SLC9A6: variants seen among roughly 807,000 people sequenced by gnomAD.
SLC9A6 encodes sodium/hydrogen exchanger 6.
SLC9A6 carries 6 observed loss-of-function variants against 45.3 expected under a neutral mutation model. The observed-to-expected ratio is 0.13, with a 90% CI of 0.07 to 0.26. SLC9A6 has a LOEUF of 0.26. SLC9A6 is among the 10% of genes least tolerant of loss of function. The pLI, the probability that SLC9A6 is intolerant of heterozygous loss-of-function variation, is 1.00. For synonymous variants in SLC9A6, 191 were observed against 187.7 expected, an observed-to-expected ratio of 1.02 and a Z score of -0.14; for missense variants, 278 against 503.7, an observed-to-expected ratio of 0.55 and a Z score of 4.29.
chrX:136,020,782 C>T (rs2071111927), intron 11 of SLC9A6, among the ~76,000 whole-genome samples: 1 of 111,640 alleles, frequency 9.0e-6, no homozygotes, highest in Admixed American at 9.5e-5. Flanking sequence ...CCATTGAGAG[C>T]TCTTTTGGCA....
chrX:135,976,271 C>T (rs1398091743), intron 1 of SLC9A6, among the ~76,000 whole-genome samples: 4 of 111,560 alleles, frequency 3.6e-5, no homozygotes, highest in Non-Finnish European at 7.5e-5. Context: ...GCTTCCTTCT[C>T]CGCCCCTGGG....
chrX:136,013,181 G>A (rs1483127739), intron 9 of SLC9A6, 127 bp downstream of exon 9: 2 of 695,633 alleles, frequency 2.9e-6, no homozygotes, highest in Non-Finnish European at 4.6e-6. Flanking sequence ...TTAGGTTGTT[G>A]CTTTAGAACA....
At position 136,010,266 on chromosome X, in the gene SLC9A6, C is replaced by T. The variant is rs1461568261; in HGVS notation, c.744-176C>T. On this transcript the variant is annotated intron_variant, in intron 7 of 17. Transcript: ENST00000630721. ...AACATTTAAGGGAAAGCCAAGTTTT[C>T]TTGCTAGCCAGATACATTGCAGGAT... 8 of 268,336 alleles carry T rather than the reference C, an allele frequency of 3.0e-5. 1 individual carries two copies. The highest frequency in any genetic ancestry group is 4.6e-5 in the Non-Finnish European group (7 of 152,102). 22.1% of individuals were successfully genotyped at this position (268,336 alleles called of 1,213,427 possible). A position where few individuals can be genotyped will look rare whatever the true frequency, so the allele number is the denominator to read the frequency against.
chrX:135,985,466 G>A lies in SLC9A6; in HGVS notation c.-68G>A. ...TCGGGGAGTGGTCCGACCGCGGGCG[G>A]CCGCCGGTGAGGTAGGGGCGGGAGG... On this transcript the variant is annotated 5_prime_UTR_variant, in exon 1 of 18. Coordinates refer to ENST00000630721, the MANE Select transcript of SLC9A6 (RefSeq NM_001379110.1). 9.9e-7 allele frequency: 1 copy of A among 1,010,008 alleles called. No homozygotes were observed. Among genetic ancestry groups the A allele is most frequent in the Non-Finnish European group, 1.3e-6 (1 of 789,430 alleles). 83.2% of individuals were successfully genotyped at this position (1,010,008 alleles called of 1,213,427 possible).
intron 16 of SLC9A6, 35 bp from the exon 17 acceptor site, chrX:136,040,041 A>G (rs1556622329): frequency 9.1e-7 from 1 of 1,099,270 alleles, no homozygotes; most frequent in Non-Finnish European, 1.3e-6. Flanking sequence ...TAAATTTGTA[A>G]AGAAAGGACC....
chrX:135,975,043 GGA>G, intron 1 of SLC9A6: 1 of 148,723 alleles, frequency 6.7e-6, no homozygotes, highest in Non-Finnish European at 1.3e-5. Flanking sequence ...TGTCCCCTGG[GGA>G]GCTCACCCAT....
At chrX:136,004,518 A>G (rs1346101139) in intron 7 of SLC9A6, among the ~76,000 whole-genome samples, 1 of 111,698 alleles carries the variant, frequency 9.0e-6, no homozygotes, top group African/African-American at 3.3e-5. Flanking sequence ...TTCTCTCCTT[A>G]ATTTTCACTT....
Position 136,046,999 on chromosome X carries a change from A to G in SLC9A6, c.*2275A>G, listed in dbSNP as rs2071610130. 8.9e-6 allele frequency: 1 copy of G among 112,613 alleles called. No individual in the cohort carries two copies. Among genetic ancestry groups the G allele is most frequent in the Non-Finnish European group, 1.9e-5 (1 of 53,315 alleles). 9.3% of individuals were successfully genotyped at this position (112,613 alleles called of 1,213,427 possible). A position where few individuals can be genotyped will look rare whatever the true frequency, so the allele number is the denominator to read the frequency against. On this transcript the variant is annotated 3_prime_UTR_variant, in exon 18 of 18. Coordinates refer to ENST00000630721, the MANE Select transcript of SLC9A6 (RefSeq NM_001379110.1). ...TTATCCTAGTTGTCCGTGTTTGGCAATGTGCTGTTAAAGTAATAGACTTTT... is the reference window on the plus strand; with the variant it reads ...TTATCCTAGTTGTCCGTGTTTGGCAGTGTGCTGTTAAAGTAATAGACTTTT...
chrX:136,013,944 G>A (rs1286093890), intron 10 of SLC9A6, among the ~76,000 whole-genome samples: 1 of 112,394 alleles, frequency 8.9e-6, no homozygotes, highest in African/African-American at 3.2e-5. Flanking sequence ...AGTCCGCTCA[G>A]GTGCTGCAAA....
At chrX:136,013,490 A>G in intron 10 of SLC9A6, 53 bp downstream of exon 10, 3 of 887,966 alleles carry the variant, frequency 3.4e-6, no homozygotes, top group Non-Finnish European at 1.6e-6. Flanking sequence ...TCAGCAAAAT[A>G]GAAGTCTTTT....
rs2071584605 is a variant in SLC9A6, at chrX:136,045,525, A to G, written c.*801A>G. ...GTGGGCAGAGAGCAAGAGGCGAGTA[A>G]AGAGAATGGTGGTTTCAGAGATCTC... On this transcript the variant is annotated 3_prime_UTR_variant, in exon 18 of 18. Coordinates refer to ENST00000630721, the MANE Select transcript of SLC9A6 (RefSeq NM_001379110.1). The G allele has an allele frequency of 8.9e-6, 1 of 111,916 alleles. No homozygotes were observed. The highest frequency in any genetic ancestry group is 9.6e-5 in the Admixed American group (1 of 10,447). 9.2% of individuals were successfully genotyped at this position (111,916 alleles called of 1,213,427 possible).
rs376371956 is a variant in SLC9A6, at chrX:136,033,510, GA to G, written c.1661+28del. The G allele has an allele frequency of 0.046, 30,029 of 657,800 alleles. No homozygotes were observed. The highest frequency in any genetic ancestry group is 0.068 in the East Asian group (1,233 of 18,179). 54.2% of individuals were successfully genotyped at this position (657,800 alleles called of 1,213,427 possible). A position where few individuals can be genotyped will look rare whatever the true frequency, so the allele number is the denominator to read the frequency against. ...TGATCATAAGTATCCTTAATTGAGG[GA>G]AAAAAAAAAAGGATAATGTGGACAT... On this transcript the variant is annotated intron_variant, in intron 16 of 17. Transcript: ENST00000630721.
chrX:136,033,137 C>T, intron 15 of SLC9A6: 2 of 227,434 alleles, frequency 8.8e-6, no homozygotes, highest in South Asian at 1.0e-4. Flanking sequence ...GCTGGGATTA[C>T]AGGCATGAGC....
chrX:136,001,144 A>G (rs1483233008), intron 6 of SLC9A6, among the ~76,000 whole-genome samples: 1 of 109,880 alleles, frequency 9.1e-6, no homozygotes, highest in Non-Finnish European at 1.9e-5. Flanking sequence ...GACCATCCTG[A>G]CTAACACGGT....
intron 12 of SLC9A6, among the ~76,000 whole-genome samples, chrX:136,023,355 C>T (rs923280560): frequency 3.9e-5 from 4 of 102,318 alleles, no homozygotes; most frequent in Non-Finnish European, 5.9e-5. Context: ...GAATGTATAG[C>T]AGTTCTTTTC....
upstream of SLC9A6, among the ~76,000 whole-genome samples, chrX:135,982,786 A>G (rs2089292940): frequency 8.9e-6 from 1 of 112,442 alleles, no homozygotes; most frequent in Admixed American, 9.4e-5. Flanking sequence ...TTAGCTTCTT[A>G]AGGGAGAAGG....
At chrX:135,982,721 G>A (rs1556614302), upstream of SLC9A6, among the ~76,000 whole-genome samples, 1 of 111,861 alleles carries the variant, frequency 8.9e-6, no homozygotes, top group African/African-American at 3.3e-5. Context: ...TGATTCTCCC[G>A]CCTTGGCCTC....
At chrX:136,004,927 T>G (rs1191269331) in intron 7 of SLC9A6, among the ~76,000 whole-genome samples, 1 of 112,254 alleles carries the variant, frequency 8.9e-6, no homozygotes, top group Non-Finnish European at 1.9e-5. Flanking sequence ...CAACAAAGAT[T>G]GTTGAAGCTT....
chrX:135,987,871 G>A (rs1483539449), intron 2 of SLC9A6, among the ~76,000 whole-genome samples: 1 of 110,792 alleles, frequency 9.0e-6, no homozygotes, highest in Non-Finnish European at 1.9e-5. Flanking sequence ...GGATTACTGT[G>A]AGGAAGAAAT....
Sources: gnomAD v4.1 joint callset for allele counts (sites outside exome capture counted in the v4.1 genomes callset) on GRCh38, gnomAD v4.1.1 for gene constraint, MANE v1.5 for transcripts, NCBI Gene and HGNC (gene_info 2026-07-23, HGNC 2026-07-21) for gene names.